Variants in CSMD1 observed in about 807,000 individuals in gnomAD.
CSMD1 encodes the protein CUB and Sushi multiple domains 1.
A neutral mutation model predicts 417.5 loss-of-function variants in CSMD1; 213 were observed. The observed-to-expected ratio is 0.51, with a 90% CI of 0.46 to 0.57. The LOEUF (loss-of-function observed/expected upper bound fraction) is 0.57, where lower values mean the gene tolerates loss of function less well. Among genes scored for constraint, CSMD1 ranks in the 20% least tolerant of loss-of-function variants. CSMD1 has a pLI of 0.00. For missense variants in CSMD1, 6,923 were observed against 4,529.7 expected (o/e 1.53, Z -15.17); for synonymous variants, 2,862 against 1,736.8 (o/e 1.65, Z -16.11).
intron 26 of CSMD1, among the ~76,000 whole-genome samples, chr8:3,264,866 G>T (rs575426116): frequency 1.6e-4 from 24 of 151,982 alleles, no homozygotes; most frequent in Non-Finnish European, 3.1e-4. Flanking sequence ...GTGTGTGGGT[G>T]TGTGTGGCCT....
intron 5 of CSMD1, among the ~76,000 whole-genome samples, chr8:3,978,237 G>A (rs1369373852): frequency 1.3e-5 from 2 of 152,120 alleles, no homozygotes; most frequent in African/African-American, 4.8e-5. Flanking sequence ...CCAGCGCCTG[G>A]CAGCCTCCAG....
intron 3 of CSMD1, among the ~76,000 whole-genome samples, chr8:4,052,031 G>C (rs890823358): frequency 1.3e-5 from 2 of 151,852 alleles, no homozygotes; most frequent in Admixed American, 6.6e-5. Context: ...TCATATACAG[G>C]TTCAAGGGAT....
chr8:3,178,978 C>T lies in CSMD1; in HGVS notation c.5725+2132G>A, dbSNP rs1211309673. ...TTTTTTTTTTTTTGAGACGGAGTCT[C>T]ACTCTGTCACCCAGGCTGGAGTGCA... On this transcript the variant is annotated intron_variant, in intron 37 of 69. Coordinates refer to ENST00000635120, the MANE Select transcript of CSMD1 (RefSeq NM_033225.6). Among the ~76,000 whole-genome samples, 6 of 145,912 alleles carry T rather than the reference C, an allele frequency of 4.1e-5. No homozygotes were observed. In the East Asian group the frequency reaches 6.0e-4, roughly 15 times the overall value.
chr8:4,008,150 C>T (rs1816273451), intron 4 of CSMD1, among the ~76,000 whole-genome samples: 4 of 152,094 alleles, frequency 2.6e-5, no homozygotes, highest in African/African-American at 9.7e-5. Context: ...AAAATAGTCA[C>T]AGCAAAACAT....
At chr8:3,090,670 A>C (rs1814879507) in intron 48 of CSMD1, among the ~76,000 whole-genome samples, 1 of 152,230 alleles carries the variant, frequency 6.6e-6, no homozygotes. Flanking sequence ...CCGTCAGCAC[A>C]TATTGTTCAC....
chr8:3,693,907 TTGTGTG>T (rs1054886294), intron 7 of CSMD1, among the ~76,000 whole-genome samples: 1 of 150,258 alleles, frequency 6.7e-6, no homozygotes, highest in South Asian at 2.1e-4. Flanking sequence ...TGTTGGCGTC[TTGTGTG>T]TGTGTGTGTT....
chr8:4,778,456 T>C (rs1193327362), intron 1 of CSMD1, among the ~76,000 whole-genome samples: 1 of 152,212 alleles, frequency 6.6e-6, no homozygotes, highest in African/African-American at 2.4e-5. Context: ...CCAGGAATTG[T>C]AATGTATTTT....
chr8:4,139,398 A>C (rs1211896246), intron 3 of CSMD1, among the ~76,000 whole-genome samples: 1 of 152,092 alleles, frequency 6.6e-6, no homozygotes, highest in African/African-American at 2.4e-5. Context: ...TTTTAAGTGA[A>C]CATTGCTGTG....
At chr8:4,063,722 C>T (rs548250039) in intron 3 of CSMD1, among the ~76,000 whole-genome samples, 2 of 152,284 alleles carry the variant, frequency 1.3e-5, no homozygotes, top group African/African-American at 4.8e-5. Flanking sequence ...GAGTCCACTG[C>T]CTTAGAAATG....
chr8:4,043,062 G>A (rs558591333), intron 3 of CSMD1, among the ~76,000 whole-genome samples: 13 of 152,142 alleles, frequency 8.5e-5, no homozygotes, highest in African/African-American at 2.9e-4. Flanking sequence ...AACCTTGGAG[G>A]CACAGGGTGC....
At chr8:4,597,022 G>C (rs1407309592) in intron 2 of CSMD1, among the ~76,000 whole-genome samples, 1 of 152,118 alleles carries the variant, frequency 6.6e-6, no homozygotes, top group Non-Finnish European at 1.5e-5. Context: ...CAGCCATGTA[G>C]AACTGTAAGA....
chr8:4,606,308 A>G (rs906749017), intron 2 of CSMD1, among the ~76,000 whole-genome samples: 2 of 152,130 alleles, frequency 1.3e-5, no homozygotes, highest in Non-Finnish European at 2.9e-5. Context: ...CTGTTTATAA[A>G]TGATTTCTTT....
chr8:4,092,292 G>A (rs746257916), intron 3 of CSMD1, among the ~76,000 whole-genome samples: 6 of 152,138 alleles, frequency 3.9e-5, no homozygotes, highest in Admixed American at 6.5e-5. Context: ...TGGGAAACCC[G>A]AGGGCAACAT....
At chr8:3,635,120 G>C (rs1489541603) in intron 7 of CSMD1, among the ~76,000 whole-genome samples, 1 of 152,130 alleles carries the variant, frequency 6.6e-6, no homozygotes, top group Non-Finnish European at 1.5e-5. Flanking sequence ...CGTTGCTCTG[G>C]GTGACTCAGT....
At chr8:3,675,612 C>T (rs902904064) in intron 7 of CSMD1, among the ~76,000 whole-genome samples, 1 of 152,078 alleles carries the variant, frequency 6.6e-6, no homozygotes, top group Non-Finnish European at 1.5e-5. Context: ...GAGATTAGCA[C>T]CCTTATAAGG....
rs570818027 is a variant in CSMD1, at chr8:3,984,520, G to A, written c.818+13383C>T. ...CTCATTTTGAATCCAGCAGTAATAA[G>A]TACACTATTTTGATTTTTCGTCTAG... On this transcript the variant is annotated intron_variant, in intron 5 of 69. Transcript: ENST00000635120. 1.9e-4 allele frequency among the ~76,000 whole-genome samples: 29 copies of A among 151,592 alleles called. No individual in the cohort carries two copies. In the East Asian group the frequency reaches 2.7e-3, roughly 14 times the overall value.
intron 1 of CSMD1, among the ~76,000 whole-genome samples, chr8:4,732,999 C>G (rs1164260541): frequency 6.7e-6 from 1 of 150,324 alleles, no homozygotes; most frequent in Non-Finnish European, 1.5e-5. Context: ...GGCTACGCTC[C>G]TCTTTCATTT....
intron 5 of CSMD1, among the ~76,000 whole-genome samples, chr8:3,848,020 C>T (rs1052657484): frequency 6.6e-6 from 1 of 151,672 alleles, no homozygotes; most frequent in Non-Finnish European, 1.5e-5. Context: ...CACTTCTTTC[C>T]TGACACATGT....
intron 1 of CSMD1, among the ~76,000 whole-genome samples, chr8:4,856,115 T>G (rs1457993992): frequency 6.6e-6 from 1 of 151,906 alleles, no homozygotes; most frequent in African/African-American, 2.4e-5. Flanking sequence ...ATATTCAACA[T>G]TCTTAAAGAC....
Sources: gnomAD v4.1 joint callset for allele counts (sites outside exome capture counted in the v4.1 genomes callset) on GRCh38, gnomAD v4.1.1 for gene constraint, MANE v1.5 for transcripts, NCBI Gene and HGNC (gene_info 2026-07-23, HGNC 2026-07-21) for gene names.